SPATA9: variants seen among roughly 807,000 people sequenced by gnomAD.
SPATA9 encodes spermatogenesis associated 9.
In SPATA9, 27 loss-of-function variants were observed where a neutral mutation model predicts 25.5. The observed-to-expected ratio is 1.06, with a 90% confidence interval of 0.78 to 1.46. SPATA9 has a LOEUF of 1.46. SPATA9 is among the 40% of genes most tolerant of loss of function. The pLI is 0.00. For missense variants in SPATA9, 282 were observed against 297.5 expected (o/e 0.95, Z 0.38); for synonymous variants, 102 against 105.7 (o/e 0.97, Z 0.21).
At chr5:95,687,419 T>C (rs1753776211), upstream of SPATA9, among the ~76,000 whole-genome samples, 1 of 152,210 alleles carries the variant, frequency 6.6e-6, no homozygotes, top group African/African-American at 2.4e-5. Flanking sequence ...AATTTGTAAG[T>C]TGAATCATTT....
chr5:95,697,838 TGTCA>T (rs1347767187), intron 1 of SPATA9, among the ~76,000 whole-genome samples: 1 of 152,168 alleles, frequency 6.6e-6, no homozygotes, highest in East Asian at 1.9e-4. Flanking sequence ...TGGGTGTTTT[TGTCA>T]GTCATTCTTT....
At chr5:95,706,397 C>T in the SPATA9 span, among the ~76,000 whole-genome samples, 13 of 151,714 alleles carry the variant, frequency 8.6e-5, no homozygotes, top group Non-Finnish European at 1.5e-4. Context: ...CCCTTCCCTC[C>T]CTTCCTCCTG....
chr5:95,705,261 C>T, the SPATA9 span, among the ~76,000 whole-genome samples: 60 of 152,302 alleles, frequency 3.9e-4, no homozygotes, highest in African/African-American at 1.1e-3. Flanking sequence ...GCCACCATGC[C>T]TAGCCAGGTT....
chr5:95,685,339 T>G (rs986791991), upstream of SPATA9, among the ~76,000 whole-genome samples: 17 of 152,044 alleles, frequency 1.1e-4, no homozygotes, highest in Non-Finnish European at 2.4e-4. Flanking sequence ...AATTGGATCC[T>G]TCCCTCAAAC....
At chr5:95,695,890 G>C (rs1754007966) in intron 1 of SPATA9, among the ~76,000 whole-genome samples, 1 of 152,102 alleles carries the variant, frequency 6.6e-6, no homozygotes, top group Non-Finnish European at 1.5e-5. Context: ...CAGATATTAG[G>C]TTACAAAAAG....
chr5:95,711,798 C>T, the SPATA9 span, among the ~76,000 whole-genome samples: 1 of 152,180 alleles, frequency 6.6e-6, no homozygotes, highest in Non-Finnish European at 1.5e-5. Context: ...TGAACGGAGC[C>T]ATGGAGGAGG....
upstream of SPATA9, chr5:95,683,111 G>T: frequency 2.5e-6 from 2 of 793,788 alleles, no homozygotes; most frequent in Non-Finnish European, 3.4e-6. Flanking sequence ...AGGAGTGAGG[G>T]GATTGAATAA....
In SPATA9 at chr5:95,682,991, T is replaced by G; in HGVS notation, c.-137A>C. ...AGCAAGGACAGAACTCACAGCTCAC[T>G]GCTGGAATTCTTTGTTACTGTACAA... is the stretch of plus-strand genomic sequence containing the variant. On this transcript the variant is annotated 5_prime_UTR_variant, in exon 1 of 5. Transcript: ENST00000274432. 7.4e-7 allele frequency: 1 copy of G among 1,344,866 alleles called. No individual in the cohort carries two copies. The highest frequency in any genetic ancestry group is 9.6e-7 in the Non-Finnish European group (1 of 1,045,800). The allele number at this position is 1,344,866 out of a possible 1,614,324, so 83.3% of individuals were successfully genotyped here. A position where few individuals can be genotyped will look rare whatever the true frequency, so the allele number is the denominator to read the frequency against.
chr5:95,678,901 A>G (rs1753181216), intron 2 of SPATA9, among the ~76,000 whole-genome samples: 1 of 152,210 alleles, frequency 6.6e-6, no homozygotes, highest in Non-Finnish European at 1.5e-5. Context: ...ACATTCTTCA[A>G]AGGAAATAGT....
the SPATA9 span, among the ~76,000 whole-genome samples, chr5:95,714,736 C>CA: frequency 0.11 from 14,939 of 137,826 alleles, 1,016 homozygotes; most frequent in East Asian, 0.36. Context: ...AAATCAATTT[C>CA]AAAAAAAAAA....
rs539282078 is a variant in SPATA9, at chr5:95,660,937, G to T, written c.475-2024C>A. Among the ~76,000 whole-genome samples the T allele has an allele frequency of 3.3e-5, 5 of 149,682 alleles. No homozygotes were observed. In the South Asian group the frequency reaches 1.1e-3, roughly 33 times the overall value. On this transcript the variant is annotated intron_variant, in intron 4 of 4. Coordinates refer to ENST00000274432, the MANE Select transcript of SPATA9 (RefSeq NM_031952.4). ...AAAAATTAAAAATCTCTGGGAATCTGCTTCTCTATTGACTGCTACACACTC... is the reference window on the plus strand; with the variant it reads ...AAAAATTAAAAATCTCTGGGAATCTTCTTCTCTATTGACTGCTACACACTC...
the SPATA9 span, among the ~76,000 whole-genome samples, chr5:95,708,074 T>TGA: frequency 7.1e-6 from 1 of 141,026 alleles, no homozygotes; most frequent in Non-Finnish European, 1.6e-5. Context: ...TCCAGCTAAC[T>TGA]CTGATTAAAG....
chr5:95,707,210 A>C, the SPATA9 span, among the ~76,000 whole-genome samples: 1 of 152,340 alleles, frequency 6.6e-6, no homozygotes, highest in South Asian at 2.1e-4. Context: ...AAGAACTACT[A>C]AAGGAGGAAT....
chr5:95,686,733 C>G (rs1753757135), upstream of SPATA9, among the ~76,000 whole-genome samples: 1 of 152,120 alleles, frequency 6.6e-6, no homozygotes, highest in African/African-American at 2.4e-5. Flanking sequence ...TGAGGCATCC[C>G]ACTCTGAAAA....
chr5:95,681,633 G>C (rs1753469094), intron 2 of SPATA9, among the ~76,000 whole-genome samples: 1 of 152,104 alleles, frequency 6.6e-6, no homozygotes, highest in Non-Finnish European at 1.5e-5. Context: ...CCTCTCTCCA[G>C]TCCCAAGCAA....
the SPATA9 span, among the ~76,000 whole-genome samples, chr5:95,707,526 C>T: frequency 2.0e-5 from 3 of 151,724 alleles, no homozygotes; most frequent in African/African-American, 7.3e-5. Context: ...GTAAAGTAGT[C>T]AAAAAGTTAA....
intron 2 of SPATA9, among the ~76,000 whole-genome samples, chr5:95,678,049 C>T (rs959044010): frequency 8.5e-5 from 13 of 152,112 alleles, no homozygotes; most frequent in Non-Finnish European, 4.4e-5. Context: ...AAGAACTGAA[C>T]CCCAGAAGCC....
chr5:95,720,158 C>G, the SPATA9 span, among the ~76,000 whole-genome samples: 2 of 152,104 alleles, frequency 1.3e-5, no homozygotes, highest in African/African-American at 4.8e-5. Context: ...TGTGATCAAC[C>G]CTGGGCACCT....
chr5:95,688,252 C>T (rs544242231), intron 1 of SPATA9, among the ~76,000 whole-genome samples: 7 of 152,248 alleles, frequency 4.6e-5, no homozygotes, highest in African/African-American at 1.7e-4. Context: ...GAAATCTTGT[C>T]TCTTTTTTGT....
Sources: gnomAD v4.1 joint callset for allele counts (sites outside exome capture counted in the v4.1 genomes callset) on GRCh38, gnomAD v4.1.1 for gene constraint, MANE v1.5 for transcripts, NCBI Gene and HGNC (gene_info 2026-07-23, HGNC 2026-07-21) for gene names.